Variants in ADGRL2 observed in about 807,000 individuals in gnomAD.
ADGRL2 encodes calcium-independent alpha-latrotoxin receptor 2.
ADGRL2 carries 44 observed loss-of-function variants against 157.4 expected under a neutral mutation model. The ratio of observed to expected loss-of-function variants is 0.28; its 90% CI spans 0.22 to 0.36. ADGRL2 has a LOEUF of 0.36. ADGRL2 is among the 10% of genes least tolerant of loss of function. The pLI is 1.00. For missense variants in ADGRL2, 1,510 were observed against 1,768.9 expected, an observed-to-expected ratio of 0.85 and a Z score of 2.63; for synonymous variants, 585 against 624.7, an observed-to-expected ratio of 0.94 and a Z score of 0.95.
chr1:81,479,885 C>CA (rs1314324208), intron 2 of ADGRL2, among the ~76,000 whole-genome samples: 2 of 152,170 alleles, frequency 1.3e-5, no homozygotes, highest in African/African-American at 4.8e-5. Flanking sequence ...TCTCTTAACT[C>CA]AAAATCACAC....
intron 10 of ADGRL2, 67 bp downstream of exon 10, chr1:81,953,092 G>A: frequency 7.7e-7 from 1 of 1,297,846 alleles, no homozygotes; most frequent in Admixed American, 1.7e-5. Flanking sequence ...TTATCATCTT[G>A]CTGCATGATC....
intron 2 of ADGRL2, among the ~76,000 whole-genome samples, chr1:81,887,770 C>T (rs2094161352): frequency 6.6e-6 from 1 of 152,148 alleles, no homozygotes. Context: ...TTCTGAGAGA[C>T]TAATACCTAT....
rs376049497 is a variant in ADGRL2 at position 81,648,222 on chromosome 1, G to A, written c.-143+67242G>A. ...TTAACTTAGAGCTGAACTAAGAACC[G>A]CCTTTCTATCAGCAGTGACTGTTTC... On this transcript the variant is annotated intron_variant, in intron 3 of 24. Coordinates refer to the ADGRL2 transcript ENST00000370721. Among the ~76,000 whole-genome samples, 10 of 152,248 alleles carry A rather than the reference G, an allele frequency of 6.6e-5. No homozygotes were observed. In the East Asian group the frequency reaches 1.5e-3, roughly 24 times the overall value.
intron 2 of ADGRL2, among the ~76,000 whole-genome samples, chr1:81,574,291 A>T (rs1019162482): frequency 6.6e-6 from 1 of 152,112 alleles, no homozygotes; most frequent in African/African-American, 2.4e-5. Context: ...AAAATCAGAG[A>T]TTGGTGACTG....
upstream of ADGRL2, chr1:81,800,409 G>A (rs912579391): frequency 1.3e-5 from 2 of 152,184 alleles, no homozygotes; most frequent in Non-Finnish European, 2.9e-5. Flanking sequence ...GCGAACAGAC[G>A]TTCTTTCTCC....
chr1:81,630,554 G>A (rs921632417), intron 3 of ADGRL2, among the ~76,000 whole-genome samples: 1 of 151,956 alleles, frequency 6.6e-6, no homozygotes, highest in Non-Finnish European at 1.5e-5. Flanking sequence ...ATCATAAATC[G>A]AATTCCTCAT....
chr1:81,876,513 A>T, intron 2 of ADGRL2, among the ~76,000 whole-genome samples: 1 of 152,138 alleles, frequency 6.6e-6, no homozygotes, highest in Non-Finnish European at 1.5e-5. Flanking sequence ...ATCCTTTCAG[A>T]CCACTAGAGA....
intron 2 of ADGRL2, among the ~76,000 whole-genome samples, chr1:81,783,934 C>G (rs1258344434): frequency 6.6e-6 from 1 of 152,094 alleles, no homozygotes; most frequent in African/African-American, 2.4e-5. Context: ...ATATAACCCT[C>G]ACAACAACAT....
chr1:81,609,910 A>G (rs2081505986), intron 3 of ADGRL2, among the ~76,000 whole-genome samples: 1 of 152,210 alleles, frequency 6.6e-6, no homozygotes, highest in Admixed American at 6.5e-5. Context: ...GCTAATTAAC[A>G]AAGTGCTAAT....
chr1:81,818,641 A>G (rs1346175484), intron 1 of ADGRL2, among the ~76,000 whole-genome samples: 1 of 152,202 alleles, frequency 6.6e-6, no homozygotes, highest in African/African-American at 2.4e-5. Flanking sequence ...ATCAACAGCC[A>G]TTTATTAAGG....
chr1:81,859,298 CT>C (rs1359178514), intron 2 of ADGRL2, among the ~76,000 whole-genome samples: 1 of 151,048 alleles, frequency 6.6e-6, no homozygotes, highest in Non-Finnish European at 1.5e-5. Context: ...GCTATTTTCT[CT>C]CTTATTGTGT....
intron 1 of ADGRL2, among the ~76,000 whole-genome samples, chr1:81,374,857 G>T (rs1036818678): frequency 2.6e-5 from 4 of 152,126 alleles, no homozygotes; most frequent in Admixed American, 2.6e-4. Flanking sequence ...CATTTCATTG[G>T]CCCTATCCAG....
intron 1 of ADGRL2, among the ~76,000 whole-genome samples, chr1:81,431,925 T>C (rs897373765): frequency 2.0e-5 from 3 of 152,188 alleles, no homozygotes; most frequent in African/African-American, 7.2e-5. Flanking sequence ...TACCTCTCTT[T>C]AAACAGAATG....
intron 2 of ADGRL2, among the ~76,000 whole-genome samples, chr1:81,892,747 A>G (rs539192369): frequency 1.3e-5 from 2 of 152,280 alleles, no homozygotes; most frequent in African/African-American, 4.8e-5. Context: ...TTCAGATCTT[A>G]TTACTTGACA....
At chr1:81,504,954 C>T (rs908576741) in intron 2 of ADGRL2, 2 of 313,818 alleles carry the variant, frequency 6.4e-6, no homozygotes, top group Admixed American at 9.8e-5. Flanking sequence ...TCGCTTGCGG[C>T]TCACCTCAGT....
At chr1:81,881,455 C>T (rs1046385527) in intron 2 of ADGRL2, among the ~76,000 whole-genome samples, 5 of 152,188 alleles carry the variant, frequency 3.3e-5, no homozygotes, top group Admixed American at 6.5e-5. Flanking sequence ...GGATTACAGG[C>T]GTGAGCCACC....
intron 1 of ADGRL2, among the ~76,000 whole-genome samples, chr1:81,702,400 T>C (rs2083601166): frequency 1.3e-5 from 2 of 152,206 alleles, no homozygotes; most frequent in African/African-American, 4.8e-5. Context: ...ACATACCACC[T>C]AAGCTTCCAC....
At chr1:81,608,511 A>G (rs2081478462) in intron 3 of ADGRL2, among the ~76,000 whole-genome samples, 1 of 152,232 alleles carries the variant, frequency 6.6e-6, no homozygotes, top group Admixed American at 6.5e-5. Flanking sequence ...ATTGGATGAA[A>G]CAAAATTAAC....
chr1:81,608,870 T>C (rs572381878), intron 3 of ADGRL2, among the ~76,000 whole-genome samples: 3 of 152,228 alleles, frequency 2.0e-5, no homozygotes, highest in African/African-American at 7.2e-5. Flanking sequence ...TTTTTGGAAA[T>C]TTAAAATTAC....
Sources: allele counts gnomAD v4.1 joint callset (sites outside exome capture counted in the v4.1 genomes callset), GRCh38; gene constraint gnomAD v4.1.1; transcripts MANE v1.5; gene names NCBI Gene and HGNC (gene_info 2026-07-23, HGNC 2026-07-21).